The following LAG3 variants were observed in gnomAD, a reference collection of about 807,000 sequenced individuals.
LAG3 encodes lymphocyte activating 3.
A neutral mutation model predicts 49.0 loss-of-function variants in LAG3; 29 were observed. The ratio of observed to expected loss-of-function variants is 0.59; its 90% CI spans 0.44 to 0.81. The LOEUF (loss-of-function observed/expected upper bound fraction) is 0.81, where lower values mean the gene tolerates loss of function less well. Ranked by LOEUF, LAG3 falls within the 30% of genes least tolerant of loss-of-function variation. The probability of loss-of-function intolerance (pLI) is 0.00; values close to 1 mark genes in which losing one functional copy is unlikely to be tolerated. For synonymous variants in LAG3, 320 were observed against 297.3 expected, an observed-to-expected ratio of 1.08 and a Z score of -0.79; for missense variants, 693 against 695.2, an observed-to-expected ratio of 1.00 and a Z score of 0.04.
intron 7 of LAG3, 97 bp from the exon 8 acceptor site, chr12:6,778,147 G>C (rs1239116314): frequency 1.5e-6 from 2 of 1,367,508 alleles, no homozygotes. Flanking sequence ...CAGGGGCGCT[G>C]AGAAAAAATA....
chr12:6,774,552 T>C, intron 3 of LAG3, 43 bp from the exon 4 acceptor site: 1 of 1,579,050 alleles, frequency 6.3e-7, no homozygotes, highest in Non-Finnish European at 8.6e-7. Flanking sequence ...TGTTGGGAAA[T>C]TGTTTCCAGT....
chr12:6,778,110 G>A, intron 7 of LAG3, 134 bp from the exon 8 acceptor site: 2 of 1,306,322 alleles, frequency 1.5e-6, no homozygotes, highest in Non-Finnish European at 2.1e-6. Flanking sequence ...GGGGGGTTGG[G>A]AGAAAGCCAG....
At chr12:6,775,075 G>A (rs1232223506) in intron 4 of LAG3, among the ~76,000 whole-genome samples, 198 bp from the exon 5 acceptor site, 1 of 152,070 alleles carries the variant, frequency 6.6e-6, no homozygotes, top group Admixed American at 6.5e-5. Flanking sequence ...CAGCGTCATT[G>A]CCGGCCTTCC....
intron 4 of LAG3, 98 bp downstream of exon 4, chr12:6,774,962 C>T (rs1038834168): frequency 3.4e-5 from 42 of 1,236,280 alleles, no homozygotes; most frequent in South Asian, 2.2e-4. Flanking sequence ...TTCTCGGCAG[C>T]GAGTGGCCTA....
At chr12:6,777,697 T>C in intron 6 of LAG3, 94 bp from the exon 7 acceptor site, 1 of 1,521,818 alleles carries the variant, frequency 6.6e-7, no homozygotes, top group Non-Finnish European at 9.0e-7. Flanking sequence ...TCCCTTAAAC[T>C]CTCTGGATCT....
At position 6,773,025 on chromosome 12, in the gene LAG3, T is replaced by C. The variant is rs1941861097; in HGVS notation, c.58+115T>C. 1.5e-6 allele frequency: 2 copies of C among 1,377,556 alleles called. No individual in the cohort carries two copies. Among genetic ancestry groups the C allele is most frequent in the East Asian group, 4.6e-5 (2 of 43,192 alleles). 85.3% of individuals were successfully genotyped at this position (1,377,556 alleles called of 1,614,324 possible). A position where few individuals can be genotyped will look rare whatever the true frequency, so the allele number is the denominator to read the frequency against. ...TAGCTCTGTGGATTCTTCTAATCCC[T>C]TTTTTGGGCAGTCCTTCCACCCCGA... On this transcript the variant is annotated intron_variant, in intron 1 of 7. Transcript: ENST00000203629. The surrounding 1 kb of genome is among the most constrained non-coding windows in gnomAD (Gnocchi z 5.5).
Position 6,773,619 on chromosome 12 carries a change from C to T in LAG3, c.207-78C>T. On this transcript the variant is annotated intron_variant, in intron 2 of 7. Transcript: ENST00000203629. The surrounding 1 kb of genome is among the most constrained non-coding windows in gnomAD (Gnocchi z 5.5). ...GAACTCTTGGGGCGGGCTTTCTCAT[C>T]CTCAACGGGTGGCTGCCTGCATCCT... 1 of 1,334,032 alleles carries T rather than the reference C, an allele frequency of 7.5e-7. No individual in the cohort carries two copies. 82.6% of individuals were successfully genotyped at this position (1,334,032 alleles called of 1,614,324 possible).
chr12:6,777,082 A>G (rs192458484), intron 5 of LAG3, among the ~76,000 whole-genome samples, 182 bp from the exon 6 acceptor site: 38 of 152,312 alleles, frequency 2.5e-4, no homozygotes, highest in Admixed American at 7.8e-4. Context: ...TCTGTATACA[A>G]TTTAATAAAA....
Position 6,778,335 on chromosome 12 carries a change from C to T in LAG3, c.1523C>T (p.Pro508Leu), listed in dbSNP as rs770303883. ...KIEELEQEPE[P>L]EPEPEPEPEP... ...GAGGAGCTGGAGCAAGAACCGGAGC[C>T]GGAGCCGGAGCCGGAACCGGAGCCC... The change falls in exon 8 of 8, where the codon CCG becomes CTG. Residue 508 changes from proline (P) to leucine (L), a missense_variant. By Grantham distance (98) the Pro-to-Leu change is moderately conservative (BLOSUM62 -3). Transcript: ENST00000203629. The T allele has an allele frequency of 5.0e-6, 8 of 1,613,034 alleles. No individual in the cohort carries two copies. The highest frequency in any genetic ancestry group is 1.7e-5 in the Admixed American group (1 of 59,986).
In LAG3 at chr12:6,772,669, G is replaced by C. The variant is rs7342333; in HGVS notation, c.-184G>C. 2.4e-5 allele frequency: 10 copies of C among 411,538 alleles called. No homozygotes were observed. Among genetic ancestry groups the C allele is most frequent in the East Asian group, 1.1e-4 (3 of 26,538 alleles). 25.5% of individuals were successfully genotyped at this position (411,538 alleles called of 1,614,324 possible). On this transcript the variant is annotated 5_prime_UTR_variant, in exon 1 of 8. Transcript: ENST00000203629. The stretch of plus-strand genomic sequence containing the variant: ...GCTTTCCAGCTTTCCTCTGGATTCC[G>C]GCCTCTGGTCATCCCTCCCCACCCT...
In LAG3 at chr12:6,773,756, C is replaced by G; in HGVS notation, c.266C>G (p.Pro89Arg). ...PLAPGPHPAA[P>R]SSWGPRPRRY... ...GCCCCCGGCCCTCACCCGGCGGCGC[C>G]CTCCTCCTGGGGGCCCAGGCCCCGC... The change falls in exon 3 of 8, where the codon CCC (proline) becomes CGC (arginine). Residue 89 changes from proline (P) to arginine (R), a missense_variant. Coordinates refer to ENST00000203629, the MANE Select transcript of LAG3 (RefSeq NM_002286.6). This position sits in a 1 kb window ranked among gnomAD's most constrained non-coding sequence, Gnocchi z 5.5. The G allele has an allele frequency of 7.5e-7, 1 of 1,327,188 alleles. No individual in the cohort carries two copies. The highest frequency in any genetic ancestry group is 2.1e-5 in the South Asian group (1 of 47,896). 82.2% of individuals were successfully genotyped at this position (1,327,188 alleles called of 1,614,324 possible).
In LAG3 at chr12:6,773,043, C is replaced by A; in HGVS notation, c.58+133C>A. On this transcript the variant is annotated intron_variant, in intron 1 of 7. Transcript: ENST00000203629. This position sits in a 1 kb window ranked among gnomAD's most constrained non-coding sequence, Gnocchi z 5.5. ...TAATCCCTTTTTTGGGCAGTCCTTCCACCCCGAAAGCCTCTCTGGGCAGAG... is the reference window on the plus strand; with the variant it reads ...TAATCCCTTTTTTGGGCAGTCCTTCAACCCCGAAAGCCTCTCTGGGCAGAG... 1 of 1,370,572 alleles carries A rather than the reference C, an allele frequency of 7.3e-7. No homozygotes were observed. The highest frequency in any genetic ancestry group is 1.0e-6 in the Non-Finnish European group (1 of 983,202). The allele number at this position is 1,370,572 out of a possible 1,614,324, so 84.9% of individuals were successfully genotyped here.
chr12:6,778,313 G>T lies in LAG3; in HGVS notation c.1501G>T (p.Glu501Ter), dbSNP rs753466689. 4 of 1,613,630 alleles carry T rather than the reference G, an allele frequency of 2.5e-6. No individual in the cohort carries two copies. In the South Asian group the frequency reaches 3.3e-5, roughly 13 times the overall value. Residue 501 changes from glutamate (E) to a stop codon, truncating the protein, a stop_gained, in exon 8 of 8, where the codon GAG (glutamate) becomes TAG (stop). Transcript: ENST00000203629. LOFTEE classifies it low-confidence loss of function (END_TRUNC). ...TCCGCAGGCTCAGAGCAAGATAGAG[G>T]AGCTGGAGCAAGAACCGGAGCCGGA... ...HPPQAQSKIEELEQEPEPEPE... is the reference protein window; with the variant it reads ...HPPQAQSKIE
rs1941859276 is a variant in LAG3 at position 6,772,846 on chromosome 12, A to G, written c.-7A>G. On this transcript the variant is annotated 5_prime_UTR_variant, in exon 1 of 8. In the 5' UTR this introduces an upstream ATG that the reference lacks. Coordinates refer to ENST00000203629, the MANE Select transcript of LAG3 (RefSeq NM_002286.6). ...GAGGGCTCAGCGCTGCCCAGACCAT[A>G]GGAGAGATGTGGGAGGCTCAGTTCC... 7.6e-6 allele frequency: 12 copies of G among 1,580,562 alleles called. No homozygotes were observed. Among genetic ancestry groups the G allele is most frequent in the Non-Finnish European group, 1.0e-5 (12 of 1,162,714 alleles).
At position 6,773,075 on chromosome 12, in the gene LAG3, C is replaced by G. The variant is rs1941861491; in HGVS notation, c.59-117C>G. The G allele has an allele frequency of 7.0e-7, 1 of 1,427,284 alleles. No homozygotes were observed. The highest frequency in any genetic ancestry group is 9.6e-7 in the Non-Finnish European group (1 of 1,045,734). The allele number at this position is 1,427,284 out of a possible 1,614,324, so 88.4% of individuals were successfully genotyped here. On this transcript the variant is annotated intron_variant, in intron 1 of 7. Transcript: ENST00000203629. This position sits in a 1 kb window ranked among gnomAD's most constrained non-coding sequence, Gnocchi z 5.5. ...AAAGCCTCTCTGGGCAGAGAAGAAA[C>G]AGAAACCCAAGTTCTTCCTGCACCC...
chr12:6,773,459 C>G lies in LAG3; in HGVS notation c.206+120C>G. Reference sequence around the variant, plus strand: ...CCCTCTGAAGCCAGTGACCCAGTCTCCCTGCCCTCGCTTGCACCGTTCCTG... The same window carrying G: ...CCCTCTGAAGCCAGTGACCCAGTCTGCCTGCCCTCGCTTGCACCGTTCCTG... On this transcript the variant is annotated intron_variant, in intron 2 of 7. Coordinates refer to ENST00000203629, the MANE Select transcript of LAG3 (RefSeq NM_002286.6). This position sits in a 1 kb window ranked among gnomAD's most constrained non-coding sequence, Gnocchi z 5.5. 1 of 1,287,778 alleles carries G rather than the reference C, an allele frequency of 7.8e-7. No individual in the cohort carries two copies. The highest frequency in any genetic ancestry group is 1.1e-6 in the Non-Finnish European group (1 of 933,318). The allele number at this position is 1,287,778 out of a possible 1,614,324, so 79.8% of individuals were successfully genotyped here. A position where few individuals can be genotyped will look rare whatever the true frequency, so the allele number is the denominator to read the frequency against.
chr12:6,773,014 CT>C lies in LAG3; in HGVS notation c.58+106del. ...CCTGAGGTCCTTAGCTCTGTGGATT[CT>C]TCTAATCCCTTTTTTGGGCAGTCCT... On this transcript the variant is annotated intron_variant, in intron 1 of 7. Coordinates refer to ENST00000203629, the MANE Select transcript of LAG3 (RefSeq NM_002286.6). The surrounding 1 kb of genome is among the most constrained non-coding windows in gnomAD (Gnocchi z 5.5). The C allele has an allele frequency of 7.2e-7, 1 of 1,397,128 alleles. No homozygotes were observed. The allele number at this position is 1,397,128 out of a possible 1,614,324, so 86.5% of individuals were successfully genotyped here.
In LAG3 at chr12:6,773,150, G is replaced by T; in HGVS notation, c.59-42G>T. ...GGCTCCTTCTCTACCCCTGCCTCTCGGCTCACGCCCCCTCCCCTTGGCCTC... is the reference window on the plus strand; with the variant it reads ...GGCTCCTTCTCTACCCCTGCCTCTCTGCTCACGCCCCCTCCCCTTGGCCTC... On this transcript the variant is annotated intron_variant, in intron 1 of 7. Transcript: ENST00000203629. The surrounding 1 kb of genome is among the most constrained non-coding windows in gnomAD (Gnocchi z 5.5). 6.4e-7 allele frequency: 1 copy of T among 1,573,328 alleles called. No homozygotes were observed. Among genetic ancestry groups the T allele is most frequent in the Non-Finnish European group, 8.6e-7 (1 of 1,162,538 alleles).
In LAG3 at chr12:6,774,590, C is replaced by G. The variant is rs757829838; in HGVS notation, c.512-5C>G. 28 of 1,612,152 alleles carry G rather than the reference C, an allele frequency of 1.7e-5. No individual in the cohort carries two copies. The highest frequency in any genetic ancestry group is 2.0e-5 in the Non-Finnish European group (23 of 1,179,054). ...GCTGATGAAGTCTTCTTTATCCTTG[C>G]ACAGTGACTGCCAGCCCCCCAGGAT... On this transcript the variant is annotated splice_polypyrimidine_tract_variant and splice_region_variant and intron_variant, in intron 3 of 7. Transcript: ENST00000203629.
Sources: allele counts gnomAD v4.1 joint callset (sites outside exome capture counted in the v4.1 genomes callset), GRCh38; gene constraint gnomAD v4.1.1; non-coding constraint Gnocchi (gnomAD v3.1); transcripts MANE v1.5; gene names NCBI Gene and HGNC (gene_info 2026-07-23, HGNC 2026-07-21).